The following HDAC9 variants were observed in gnomAD, a reference collection of about 807,000 sequenced individuals.
HDAC9 encodes MEF-2 interacting transcription repressor (MITR) protein.
In HDAC9, 41 loss-of-function variants were observed where a neutral mutation model predicts 139.4. The ratio of observed to expected loss-of-function variants is 0.29; its 90% CI spans 0.23 to 0.38. The LOEUF is 0.38. Ranked by LOEUF, HDAC9 falls within the 10% of genes least tolerant of loss-of-function variation. HDAC9 has a pLI of 1.00. For missense variants in HDAC9, 1,147 were observed against 1,297.0 expected, an observed-to-expected ratio of 0.88 and a Z score of 1.78; for synonymous variants, 517 against 476.2, an observed-to-expected ratio of 1.09 and a Z score of -1.12.
Position 18,692,941 on chromosome 7 carries a change from A to AT in HDAC9, c.1731+26471dup, listed in dbSNP as rs1372185544. ...ATATTCAGTAGCCGATGATAAATAC[A>AT]TTTTTTGTGTTGTTATGTATACTAT... is the stretch of plus-strand genomic sequence containing the variant. On this transcript the variant is annotated intron_variant, in intron 12 of 25. Coordinates refer to ENST00000686413, the MANE Select transcript of HDAC9 (RefSeq NM_178425.4). 3.3e-5 allele frequency among the ~76,000 whole-genome samples: 5 copies of AT among 152,152 alleles called. No homozygotes were observed. In the South Asian group the frequency reaches 1.0e-3, roughly 32 times the overall value.
intron 1 of HDAC9, chr7:18,162,112 A>G: frequency 1.8e-6 from 1 of 551,080 alleles, no homozygotes; most frequent in Non-Finnish European, 3.2e-6. Flanking sequence ...GACTGCCTCA[A>G]AGACACATGG....
At position 18,587,989 on chromosome 7, in the gene HDAC9, A is replaced by G. The variant is rs566447780; in HGVS notation, c.265-2347A>G. On this transcript the variant is annotated intron_variant, in intron 3 of 25. Transcript: ENST00000686413. ...TTTAACAGTAAGGCAGAATTTAAGCATTCCTTCTGCTACCATGGAATATTA... is the reference window on the plus strand; with the variant it reads ...TTTAACAGTAAGGCAGAATTTAAGCGTTCCTTCTGCTACCATGGAATATTA... Among the ~76,000 whole-genome samples, 5 of 152,368 alleles carry G rather than the reference A, an allele frequency of 3.3e-5. No homozygotes were observed. In the East Asian group the frequency reaches 9.6e-4, roughly 29 times the overall value.
In HDAC9 at chr7:18,745,191, A is replaced by G. The variant is rs114267628; in HGVS notation, c.1910-3814A>G. ...TGAAAGAGAGAGGGAAGGAATGAAG[A>G]TGAAGGATGAGGTTAAAGTTTCATT... On this transcript the variant is annotated intron_variant, in intron 13 of 25. Coordinates refer to ENST00000686413, the MANE Select transcript of HDAC9 (RefSeq NM_178425.4). 7.7e-4 allele frequency among the ~76,000 whole-genome samples: 117 copies of G among 152,328 alleles called. No homozygotes were observed. The Middle Eastern group carries it at 0.01, about 13-fold the overall frequency.
At chr7:18,409,424 C>A (rs1455555197) in intron 1 of HDAC9, among the ~76,000 whole-genome samples, 1 of 151,810 alleles carries the variant, frequency 6.6e-6, no homozygotes, top group Non-Finnish European at 1.5e-5. Context: ...CTTTTTTTCA[C>A]AGAAAGTGAA....
chr7:18,859,851 T>G (rs1173527395), intron 21 of HDAC9, among the ~76,000 whole-genome samples: 2 of 127,080 alleles, frequency 1.6e-5, no homozygotes, highest in East Asian at 5.1e-4. Flanking sequence ...TATATATATA[T>G]ATATATATGT....
chr7:18,932,870 A>AAGAAAG, intron 22 of HDAC9, among the ~76,000 whole-genome samples: 1 of 152,034 alleles, frequency 6.6e-6, no homozygotes, highest in East Asian at 1.9e-4. Flanking sequence ...GAAAGAAAGA[A>AAGAAAG]AGAAAGAAAG....
intron 2 of HDAC9, among the ~76,000 whole-genome samples, chr7:18,190,570 A>T (rs981634001): frequency 2.2e-4 from 34 of 152,370 alleles, no homozygotes; most frequent in Admixed American, 9.1e-4. Context: ...GATAAAAGGC[A>T]TTAACTGTAA....
intron 22 of HDAC9, among the ~76,000 whole-genome samples, chr7:18,926,838 C>T (rs1004825769): frequency 2.6e-5 from 4 of 152,126 alleles, no homozygotes; most frequent in African/African-American, 9.7e-5. Flanking sequence ...AAACTTACCT[C>T]CTGGAGCATC....
At chr7:18,263,418 A>T (rs1377777905) in intron 2 of HDAC9, among the ~76,000 whole-genome samples, 4 of 152,166 alleles carry the variant, frequency 2.6e-5, no homozygotes, top group Non-Finnish European at 5.9e-5. Flanking sequence ...ATGTTAAAAG[A>T]AAGGTACTGA....
At chr7:18,867,935 C>T (rs947345990) in intron 21 of HDAC9, among the ~76,000 whole-genome samples, 3 of 152,040 alleles carry the variant, frequency 2.0e-5, no homozygotes, top group African/African-American at 7.2e-5. Flanking sequence ...TTAAGTTATG[C>T]AATTTTAGTT....
intron 2 of HDAC9, among the ~76,000 whole-genome samples, chr7:18,528,926 A>G (rs1322253063): frequency 1.3e-5 from 2 of 152,182 alleles, no homozygotes; most frequent in African/African-American, 4.8e-5. Flanking sequence ...AGTAAAAAAC[A>G]TGAGATAAAA....
chr7:18,297,223 T>C (rs2128227736), intron 1 of HDAC9, among the ~76,000 whole-genome samples: 1 of 152,328 alleles, frequency 6.6e-6, no homozygotes, highest in South Asian at 2.1e-4. Context: ...GCTGTGGCTT[T>C]TGCTTATTTT....
At chr7:18,261,358 A>G (rs1795667712) in intron 2 of HDAC9, among the ~76,000 whole-genome samples, 1 of 152,166 alleles carries the variant, frequency 6.6e-6, no homozygotes, top group African/African-American at 2.4e-5. Context: ...GACTTAGCAG[A>G]ATGTGTTATA....
Position 18,591,507 on chromosome 7 carries a change from GTA to G in HDAC9, c.416-7_416-6del, listed in dbSNP as rs975493781. On this transcript the variant is annotated splice_region_variant and splice_polypyrimidine_tract_variant and intron_variant, in intron 4 of 25. Transcript: ENST00000686413. ...TGTGTGTGTGTGTGTGTGTGTGTGT[GTA>G]TTTCAGGGGCAGTGGCAAGTACAGA... 7 of 1,533,636 alleles carry G rather than the reference GTA, an allele frequency of 4.6e-6. No homozygotes were observed. The highest frequency in any genetic ancestry group is 1.7e-4 in the Middle Eastern group (1 of 5,906).
chr7:18,599,340 T>C (rs535628863), intron 6 of HDAC9, among the ~76,000 whole-genome samples: 134 of 152,318 alleles, frequency 8.8e-4, no homozygotes, highest in African/African-American at 2.6e-3. Flanking sequence ...TATTAAGGTT[T>C]ACTCTGTGTT....
chr7:18,695,464 T>C (rs1382446291), intron 12 of HDAC9, among the ~76,000 whole-genome samples: 4 of 152,194 alleles, frequency 2.6e-5, no homozygotes, highest in Non-Finnish European at 5.9e-5. Context: ...TTTTTGGAGA[T>C]TGATTTGAAA....
chr7:18,361,759 A>G (rs1329805426), intron 1 of HDAC9, among the ~76,000 whole-genome samples: 1 of 152,112 alleles, frequency 6.6e-6, no homozygotes, highest in Non-Finnish European at 1.5e-5. Context: ...AATTTTCCAA[A>G]TTGTCCATAG....
At chr7:18,312,953 T>A (rs933730813) in intron 1 of HDAC9, among the ~76,000 whole-genome samples, 1 of 152,172 alleles carries the variant, frequency 6.6e-6, no homozygotes, top group Non-Finnish European at 1.5e-5. Flanking sequence ...TTCTAGCTAC[T>A]TTATTCTCCA....
In HDAC9 at chr7:18,634,695, G is replaced by T. The variant is rs1486796380; in HGVS notation, c.865G>T (p.Val289Phe). The change falls in exon 8 of 26, where the codon GTT becomes TTT. Residue 289 changes from valine to phenylalanine, a missense_variant. Around this residue, in one of 7 missense-constraint regions of HDAC9, gnomAD observed 264 missense variants for 273.8 expected, o/e 0.96. Coordinates refer to ENST00000686413, the MANE Select transcript of HDAC9 (RefSeq NM_178425.4). ...SSPNNGPTGS[V>F]TENETSVLPP... ...ACCAAACAATGGGCCAACTGGAAGTGTTACTGAAAATGAGACTTCGGTTTT... is the reference window on the plus strand; with the variant it reads ...ACCAAACAATGGGCCAACTGGAAGTTTTACTGAAAATGAGACTTCGGTTTT... The T allele has an allele frequency of 1.3e-6, 2 of 1,599,424 alleles. No homozygotes were observed. Among genetic ancestry groups the T allele is most frequent in the East Asian group, 4.5e-5 (2 of 44,294 alleles).
Sources: allele counts gnomAD v4.1 joint callset (sites outside exome capture counted in the v4.1 genomes callset), GRCh38; gene constraint gnomAD v4.1.1; regional missense constraint gnomAD v4.1.1; transcripts MANE v1.5; gene names NCBI Gene and HGNC (gene_info 2026-07-23, HGNC 2026-07-21).